The following STON2 variants were observed in gnomAD, a reference collection of about 807,000 sequenced individuals.
STON2 encodes stonin 2.
A neutral mutation model predicts 65.7 loss-of-function variants in STON2; 29 were observed. The ratio of observed to expected loss-of-function variants is 0.44; its 90% CI spans 0.33 to 0.60. STON2 has a LOEUF of 0.60. STON2 is among the 20% of genes least tolerant of loss of function. The pLI, the probability that STON2 is intolerant of heterozygous loss-of-function variation, is 0.03. For synonymous variants in STON2, 404 were observed against 414.2 expected (o/e 0.98, Z 0.30); for missense variants, 1,054 against 1,118.1 (o/e 0.94, Z 0.82).
intron 4 of STON2, among the ~76,000 whole-genome samples, chr14:81,338,287 T>C (rs956007054): frequency 3.9e-5 from 6 of 152,182 alleles, no homozygotes; most frequent in Admixed American, 1.3e-4. Context: ...GAAGGTTGTG[T>C]TGATCACCAA....
intron 4 of STON2, among the ~76,000 whole-genome samples, chr14:81,327,025 G>A (rs1021225994): frequency 6.6e-6 from 1 of 152,178 alleles, no homozygotes; most frequent in Admixed American, 6.5e-5. Flanking sequence ...AGGCGTGGTG[G>A]CACGCGCCTG....
At chr14:81,379,487 C>T (rs1899412027) in intron 3 of STON2, among the ~76,000 whole-genome samples, 1 of 151,960 alleles carries the variant, frequency 6.6e-6, no homozygotes, top group South Asian at 2.1e-4. Flanking sequence ...GTTAATTCTC[C>T]CCAAACTGGT....
At chr14:81,341,288 G>A (rs1897598352) in intron 4 of STON2, among the ~76,000 whole-genome samples, 1 of 152,072 alleles carries the variant, frequency 6.6e-6, no homozygotes, top group Admixed American at 6.6e-5. Flanking sequence ...TATTTGATAG[G>A]CCTGAAAAGC....
At chr14:81,344,644 A>G (rs564767169) in intron 4 of STON2, among the ~76,000 whole-genome samples, 1 of 152,338 alleles carries the variant, frequency 6.6e-6, no homozygotes, top group South Asian at 2.1e-4. Context: ...GGATAAACTA[A>G]TAGCTAAAGA....
intron 2 of STON2, among the ~76,000 whole-genome samples, chr14:81,409,705 T>TA (rs1202303911): frequency 6.6e-6 from 1 of 152,078 alleles, no homozygotes; most frequent in East Asian, 1.9e-4. Flanking sequence ...GGGACAGAAT[T>TA]ACAGACCTCC....
At chr14:81,432,146 T>C (rs780106622) in intron 1 of STON2, among the ~76,000 whole-genome samples, 3 of 151,942 alleles carry the variant, frequency 2.0e-5, no homozygotes, top group Non-Finnish European at 2.9e-5. Flanking sequence ...CTAGGTAGAG[T>C]TCAAATTTGT....
chr14:81,288,277 TCAA>T (rs1895417410), intron 5 of STON2, among the ~76,000 whole-genome samples: 1 of 152,162 alleles, frequency 6.6e-6, no homozygotes, highest in African/African-American at 2.4e-5. Context: ...GAGAAATGCA[TCAA>T]CAATGGTGAT....
At chr14:81,424,877 G>T (rs1018382300) in intron 2 of STON2, among the ~76,000 whole-genome samples, 1 of 152,134 alleles carries the variant, frequency 6.6e-6, no homozygotes, top group Non-Finnish European at 1.5e-5. Context: ...TGTTTCTAAA[G>T]ATTTTTTCTT....
At position 81,277,411 on chromosome 14, in the gene STON2, TG is replaced by T; in HGVS notation, c.2070del (p.Thr691ProfsTer41). ...NEIVLRQDIM[P>X]TTTTKWIKLH... ...AGCTTGATCCACTTTGTGGTGGTGG[TG>T]GGCATGATGTCCTGCCTCAAAACTA... On this transcript the variant is annotated frameshift_variant, in exon 6 of 8. Transcript: ENST00000614646. LOFTEE classifies it high-confidence loss of function. 1.2e-6 allele frequency: 2 copies of T among 1,614,136 alleles called. No homozygotes were observed. The highest frequency in any genetic ancestry group is 1.7e-6 in the Non-Finnish European group (2 of 1,180,030).
At chr14:81,311,487 G>A (rs4903978) in intron 5 of STON2, among the ~76,000 whole-genome samples, 63,605 of 152,104 alleles carry the variant, frequency 0.42, 15,471 homozygotes, top group Non-Finnish European at 0.54. Flanking sequence ...AAAATCATAC[G>A]ATGAGCCAGG....
intron 7 of STON2, chr14:81,269,246 T>A (rs1236297607): frequency 1.2e-6 from 1 of 847,038 alleles, no homozygotes; most frequent in Non-Finnish European, 1.4e-6. Context: ...CCTCAAATGA[T>A]CCACCTGCCT....
chr14:81,354,013 T>C (rs1898125852), intron 4 of STON2, among the ~76,000 whole-genome samples: 1 of 152,226 alleles, frequency 6.6e-6, no homozygotes, highest in African/African-American at 2.4e-5. Flanking sequence ...GTATTTACAC[T>C]GAGAAAAGCA....
chr14:81,299,237 G>A (rs942524455), intron 5 of STON2, among the ~76,000 whole-genome samples: 1 of 152,150 alleles, frequency 6.6e-6, no homozygotes, highest in Non-Finnish European at 1.5e-5. Context: ...CAGAATTAAC[G>A]TGTTATACAA....
intron 3 of STON2, among the ~76,000 whole-genome samples, chr14:81,390,013 G>A (rs1432889913): frequency 6.6e-6 from 1 of 152,040 alleles, no homozygotes; most frequent in Non-Finnish European, 1.5e-5. Context: ...AGGAGTTTGT[G>A]ACCAGCCTGG....
At chr14:81,406,810 AC>A (rs1900888452) in intron 2 of STON2, among the ~76,000 whole-genome samples, 1 of 152,118 alleles carries the variant, frequency 6.6e-6, no homozygotes. Flanking sequence ...TTCAGTGTGC[AC>A]CTGTGCACTC....
At chr14:81,408,346 G>A (rs1900978512) in intron 2 of STON2, among the ~76,000 whole-genome samples, 1 of 152,018 alleles carries the variant, frequency 6.6e-6, no homozygotes, top group African/African-American at 2.4e-5. Flanking sequence ...TGAAAACTGG[G>A]GAACAGAATG....
chr14:81,266,561 C>G lies in STON2; in HGVS notation c.*1853G>C, dbSNP rs1894364931. The G allele has an allele frequency of 1.3e-5, 8 of 626,082 alleles. No homozygotes were observed. Among genetic ancestry groups the G allele is most frequent in the Non-Finnish European group, 1.4e-5 (7 of 502,178 alleles). The allele number at this position is 626,082 out of a possible 1,614,324, so 38.8% of individuals were successfully genotyped here. A position where few individuals can be genotyped will look rare whatever the true frequency, so the allele number is the denominator to read the frequency against. On this transcript the variant is annotated 3_prime_UTR_variant, in exon 8 of 8. Transcript: ENST00000614646. ...CTGGTCACCTCCCTATGGACACAAT[C>G]AACTTATTAATGTCTCTCTTAAAAT...
intron 3 of STON2, among the ~76,000 whole-genome samples, chr14:81,384,478 T>C (rs1321930395): frequency 6.7e-6 from 1 of 150,076 alleles, no homozygotes; most frequent in African/African-American, 2.4e-5. Flanking sequence ...TCAAGTGATC[T>C]GCCCGCCTCA....
intron 2 of STON2, among the ~76,000 whole-genome samples, chr14:81,420,054 C>T (rs971617768): frequency 6.6e-6 from 1 of 152,204 alleles, no homozygotes; most frequent in Admixed American, 6.5e-5. Context: ...GTTGGCCCAA[C>T]TCCCCACATT....
Sources: allele counts gnomAD v4.1 joint callset (sites outside exome capture counted in the v4.1 genomes callset), GRCh38; gene constraint gnomAD v4.1.1; transcripts MANE v1.5; gene names NCBI Gene and HGNC (gene_info 2026-07-23, HGNC 2026-07-21).